Variants in XKR4 observed in about 807,000 individuals in gnomAD.
The protein encoded by XKR4 is XK related 4, also known as XK-related protein 4.
A neutral mutation model predicts 53.9 loss-of-function variants in XKR4; 12 were observed. That is an observed-to-expected ratio of 0.22 (90% CI 0.14 to 0.36). The LOEUF (loss-of-function observed/expected upper bound fraction) is 0.36. Among genes scored for constraint, XKR4 ranks in the 10% least tolerant of loss-of-function variants. The pLI is 1.00. For missense variants in XKR4, 799 were observed against 859.5 expected (o/e 0.93, Z 0.88); for synonymous variants, 354 against 362.4 (o/e 0.98, Z 0.26).
In XKR4 at chr8:55,215,082, A is replaced by G. The variant is rs546356870; in HGVS notation, c.806+111788A>G. The stretch of plus-strand genomic sequence containing the variant: ...TGGGTTTAGAGTATGGTTAAAAAAA[A>G]AAAAAAATCCTAAAGCCCAGACCAA... On this transcript the variant is annotated intron_variant, in intron 1 of 2. Transcript: ENST00000327381. Among the ~76,000 whole-genome samples the G allele has an allele frequency of 2.9e-4, 44 of 152,014 alleles. No homozygotes were observed. The East Asian group carries it at 8.3e-3, about 29-fold the overall frequency.
chr8:55,239,562 G>T (rs896915263), intron 1 of XKR4, among the ~76,000 whole-genome samples: 1 of 151,994 alleles, frequency 6.6e-6, no homozygotes, highest in East Asian at 1.9e-4. Context: ...GCCCCACCTG[G>T]CTTCTGTTGA....
intron 2 of XKR4, among the ~76,000 whole-genome samples, chr8:55,371,048 T>C (rs1339492975): frequency 6.7e-6 from 1 of 150,334 alleles, no homozygotes; most frequent in Non-Finnish European, 1.5e-5. Context: ...GGTGGTCACT[T>C]TGAGGTCCTT....
At chr8:55,340,395 A>G (rs774172783) in intron 1 of XKR4, among the ~76,000 whole-genome samples, 5 of 152,238 alleles carry the variant, frequency 3.3e-5, no homozygotes, top group Non-Finnish European at 5.9e-5. Context: ...ATTTAGAATG[A>G]TGAGTTGGAT....
intron 2 of XKR4, chr8:55,452,072 G>T (rs1242407234): frequency 2.8e-6 from 2 of 706,396 alleles, no homozygotes; most frequent in Non-Finnish European, 2.6e-6. Context: ...TGGTGACTCG[G>T]GGTGGCTGGC....
intron 2 of XKR4, among the ~76,000 whole-genome samples, chr8:55,400,603 C>A (rs2929008): frequency 0.095 from 14,424 of 152,120 alleles, 1,411 homozygotes; most frequent in African/African-American, 0.25. Flanking sequence ...ACAGCCTGAG[C>A]AAGGACAGCT....
chr8:55,271,844 T>C (rs531218656), intron 1 of XKR4, among the ~76,000 whole-genome samples: 1 of 152,302 alleles, frequency 6.6e-6, no homozygotes, highest in South Asian at 2.1e-4. Context: ...TCCTGGACTG[T>C]CTCTAGAGAG....
chr8:55,524,412 C>G lies in XKR4; in HGVS notation c.*185C>G, dbSNP rs972074671. On this transcript the variant is annotated 3_prime_UTR_variant, in exon 3 of 3. Coordinates refer to ENST00000327381, the MANE Select transcript of XKR4 (RefSeq NM_052898.2). ...GGTCTCCTTCCAAAGCAGCTGCACC[C>G]GAGAGTCTCTGACTCCACCTGAAAG... 6.4e-6 allele frequency: 4 copies of G among 622,036 alleles called. No homozygotes were observed. Among genetic ancestry groups the G allele is most frequent in the East Asian group, 2.8e-5 (1 of 36,070 alleles). The allele number at this position is 622,036 out of a possible 1,614,324, so 38.5% of individuals were successfully genotyped here.
chr8:55,212,140 G>A (rs1183271229), intron 1 of XKR4, among the ~76,000 whole-genome samples: 1 of 151,664 alleles, frequency 6.6e-6, no homozygotes, highest in African/African-American at 2.4e-5. Flanking sequence ...CAGAGGGGTG[G>A]GGTTGCAGAG....
chr8:55,299,816 G>C (rs1166559036), intron 1 of XKR4, among the ~76,000 whole-genome samples: 1 of 152,110 alleles, frequency 6.6e-6, no homozygotes, highest in Non-Finnish European at 1.5e-5. Context: ...AGAAGAGGCT[G>C]AACACTGTTT....
chr8:55,247,797 A>G (rs1371314062), intron 1 of XKR4, among the ~76,000 whole-genome samples: 3 of 147,700 alleles, frequency 2.0e-5, no homozygotes. Context: ...TTCAGTAACC[A>G]GTACAGAACC....
intron 2 of XKR4, among the ~76,000 whole-genome samples, chr8:55,494,646 T>G (rs1806316253): frequency 6.6e-6 from 1 of 152,130 alleles, no homozygotes; most frequent in Non-Finnish European, 1.5e-5. Flanking sequence ...GTAACTCCTC[T>G]CTGTGAGCAG....
intron 2 of XKR4, among the ~76,000 whole-genome samples, chr8:55,471,661 C>T (rs1351526300): frequency 2.0e-5 from 3 of 152,122 alleles, no homozygotes; most frequent in African/African-American, 2.4e-5. Flanking sequence ...AAATGTGATG[C>T]CCAGTGTTGG....
At chr8:55,391,669 T>G (rs1055594924) in intron 2 of XKR4, among the ~76,000 whole-genome samples, 15 of 152,138 alleles carry the variant, frequency 9.9e-5, no homozygotes, top group Non-Finnish European at 2.1e-4. Context: ...TAAATATACT[T>G]TGTTATATAA....
chr8:55,254,752 C>T (rs189075289), intron 1 of XKR4, among the ~76,000 whole-genome samples: 6 of 152,158 alleles, frequency 3.9e-5, no homozygotes, highest in African/African-American at 1.4e-4. Context: ...CATGCAGTGG[C>T]CTCTGCCTCA....
intron 2 of XKR4, among the ~76,000 whole-genome samples, chr8:55,415,519 G>A (rs1339463670): frequency 3.3e-5 from 5 of 152,066 alleles, no homozygotes; most frequent in East Asian, 1.9e-4. Context: ...GTTGTGGGCC[G>A]GGTGCTGAGT....
At chr8:55,240,767 TACTA>T (rs1818199764) in intron 1 of XKR4, among the ~76,000 whole-genome samples, 1 of 152,180 alleles carries the variant, frequency 6.6e-6, no homozygotes, top group Non-Finnish European at 1.5e-5. Flanking sequence ...CAAGATAACA[TACTA>T]ACTTTATGGC....
chr8:55,387,919 A>G (rs1804348259), intron 2 of XKR4, among the ~76,000 whole-genome samples: 1 of 152,254 alleles, frequency 6.6e-6, no homozygotes, highest in Non-Finnish European at 1.5e-5. Context: ...TGATATGAGC[A>G]GGTCGTGACT....
At chr8:55,192,984 C>G (rs1301943180) in intron 1 of XKR4, among the ~76,000 whole-genome samples, 1 of 152,010 alleles carries the variant, frequency 6.6e-6, no homozygotes, top group South Asian at 2.1e-4. Flanking sequence ...ACCCCAAGGG[C>G]CTTTTTTTGT....
intron 1 of XKR4, among the ~76,000 whole-genome samples, chr8:55,313,444 T>C (rs943138515): frequency 2.6e-5 from 4 of 152,176 alleles, no homozygotes; most frequent in Non-Finnish European, 5.9e-5. Context: ...CCCTGGCAGT[T>C]TCCTGAGGTG....
Sources: gnomAD v4.1 joint callset for allele counts (sites outside exome capture counted in the v4.1 genomes callset) on GRCh38, gnomAD v4.1.1 for gene constraint, MANE v1.5 for transcripts, NCBI Gene and HGNC (gene_info 2026-07-23, HGNC 2026-07-21) for gene names.